Variants in KCNJ8 observed in about 807,000 individuals in gnomAD.
KCNJ8 encodes the protein ATP-sensitive inward rectifier potassium channel 8.
A neutral mutation model predicts 28.2 loss-of-function variants in KCNJ8; 13 were observed. The observed-to-expected ratio is 0.46, with a 90% confidence interval of 0.30 to 0.73. The LOEUF is 0.73. KCNJ8 is among the 30% of genes least tolerant of loss of function. KCNJ8 has a pLI of 0.07. For missense variants in KCNJ8, 284 were observed against 542.6 expected, an observed-to-expected ratio of 0.52 and a Z score of 4.73; for synonymous variants, 188 against 195.9, an observed-to-expected ratio of 0.96 and a Z score of 0.34.
rs1940635400 is a variant in KCNJ8 at position 21,766,844 on chromosome 12, TATTA to T, written c.375-225_375-222del. The T allele has an allele frequency of 1.2e-5, 7 of 587,334 alleles. No homozygotes were observed. The highest frequency in any genetic ancestry group is 8.5e-5 in the East Asian group (3 of 35,200). The allele number at this position is 587,334 out of a possible 1,614,324, so 36.4% of individuals were successfully genotyped here. ...TCCAGACTTCTGGAGATTAACATTC[TATTA>T]ATTAAGTTCCCTTAAGCTAAGGCCT... On this transcript the variant is annotated intron_variant, in intron 2 of 2. Transcript: ENST00000240662. This position sits in a 1 kb window ranked among gnomAD's most constrained non-coding sequence, Gnocchi z 6.5.
chr12:21,767,318 C>T (rs938186976), intron 2 of KCNJ8, among the ~76,000 whole-genome samples: 8 of 118,970 alleles, frequency 6.7e-5, no homozygotes, highest in South Asian at 3.0e-4. Context: ...ACCCCCCCCC[C>T]CCCCACCTCC....
rs1363865068 is a variant in KCNJ8, at chr12:21,773,315, A to G, written c.302T>C (p.Ile101Thr). ...WWLVAFAHGD[I>T]YAYMEKSGME... ...TCCACTTTTCTCCATGTAAGCATAG[A>G]TGTCCCCATGGGCAAAGGCCACCAG... Residue 101 changes from isoleucine to threonine, a missense_variant, in exon 2 of 3, where the codon ATC becomes ACC. Ile to Thr is a moderately conservative substitution (Grantham distance 89). This residue lies in a region of KCNJ8 where 42 missense variants were observed against 50.9 expected (regional missense o/e 0.83). Coordinates refer to ENST00000240662, the MANE Select transcript of KCNJ8 (RefSeq NM_004982.4). This position sits in a 1 kb window ranked among gnomAD's most constrained non-coding sequence, Gnocchi z 4.6. 1.2e-6 allele frequency: 2 copies of G among 1,614,186 alleles called. No individual in the cohort carries two copies. The highest frequency in any genetic ancestry group is 1.1e-5 in the South Asian group (1 of 91,082).
At chr12:21,770,866 C>T in intron 2 of KCNJ8, among the ~76,000 whole-genome samples, 1 of 152,138 alleles carries the variant, frequency 6.6e-6, no homozygotes, top group Non-Finnish European at 1.5e-5. Context: ...CAAAGTATTA[C>T]CTATTTATTA....
In KCNJ8 at chr12:21,773,764, T is replaced by C; in HGVS notation, c.-70-78A>G. ...TCTTGGGTCCTTGTATTCAAGGATATGTCTGTACATGTGCGAGGTGACATG... is the reference window on the plus strand; with the variant it reads ...TCTTGGGTCCTTGTATTCAAGGATACGTCTGTACATGTGCGAGGTGACATG... On this transcript the variant is annotated intron_variant, in intron 1 of 2. Transcript: ENST00000240662. This position sits in a 1 kb window ranked among gnomAD's most constrained non-coding sequence, Gnocchi z 4.6. 9.7e-7 allele frequency: 1 copy of C among 1,031,834 alleles called. No homozygotes were observed. The highest frequency in any genetic ancestry group is 1.4e-6 in the Non-Finnish European group (1 of 691,236). 63.9% of individuals were successfully genotyped at this position (1,031,834 alleles called of 1,614,324 possible).
chr12:21,772,378 C>T (rs1438852924), intron 2 of KCNJ8, among the ~76,000 whole-genome samples: 8 of 152,036 alleles, frequency 5.3e-5, no homozygotes. Context: ...CTTTCCACCT[C>T]CCCCCGAAAA....
At position 21,766,380 on chromosome 12, in the gene KCNJ8, C is replaced by T. The variant is rs1033798511; in HGVS notation, c.618G>A (p.Leu206=). ...GGTCACCCACTCGGAACATGAAGCA[C>T]AGCTTGCCATTTCGGACGGCAATCA... is the stretch of plus-strand genomic sequence containing the variant. ...HAVIAVRNGK[L]CFMFRVGDLR... Residue 206 remains leucine, a synonymous_variant, in exon 3 of 3, where the codon CTG becomes CTA. Transcript: ENST00000240662. The surrounding 1 kb of genome is among the most constrained non-coding windows in gnomAD (Gnocchi z 6.5). The T allele has an allele frequency of 6.2e-7, 1 of 1,614,216 alleles. No homozygotes were observed. Among genetic ancestry groups the T allele is most frequent in the Non-Finnish European group, 8.5e-7 (1 of 1,180,030 alleles).
In KCNJ8 at chr12:21,766,695, T is replaced by G; in HGVS notation, c.375-72A>C. The G allele has an allele frequency of 2.4e-6, 3 of 1,265,334 alleles. No individual in the cohort carries two copies. The highest frequency in any genetic ancestry group is 2.2e-6 in the Non-Finnish European group (2 of 890,690). The allele number at this position is 1,265,334 out of a possible 1,614,324, so 78.4% of individuals were successfully genotyped here. A position where few individuals can be genotyped will look rare whatever the true frequency, so the allele number is the denominator to read the frequency against. On this transcript the variant is annotated intron_variant, in intron 2 of 2. Coordinates refer to ENST00000240662, the MANE Select transcript of KCNJ8 (RefSeq NM_004982.4). The surrounding 1 kb of genome is among the most constrained non-coding windows in gnomAD (Gnocchi z 6.5). The stretch of plus-strand genomic sequence containing the variant: ...AATAATGAAATATGCCAAGCTGAGC[T>G]TTTCATTTTCTTCCACCAAAGACTA...
intron 2 of KCNJ8, among the ~76,000 whole-genome samples, chr12:21,772,718 G>A (rs892459654): frequency 2.0e-5 from 3 of 152,130 alleles, no homozygotes; most frequent in South Asian, 2.1e-4. Context: ...GATAAAGAAG[G>A]GATGATATTT....
Position 21,766,143 on chromosome 12 carries a change from C to T in KCNJ8, c.855G>A (p.Leu285=), listed in dbSNP as rs34093632. 1.9e-3 allele frequency: 2,998 copies of T among 1,614,100 alleles called. 66 individuals are homozygous for T. In the African/African-American group the frequency reaches 0.035, roughly 19 times the overall value. ...SPLYDISATD[L]ANQDLEVIVI... ...CTATGACCTCCAAGTCTTGGTTGGC[C>T]AGGTCAGTTGCTGAGATGTCATACA... Residue 285 remains leucine, a synonymous_variant, in exon 3 of 3, where the codon CTG becomes CTA. Transcript: ENST00000240662. This position sits in a 1 kb window ranked among gnomAD's most constrained non-coding sequence, Gnocchi z 6.5.
intron 2 of KCNJ8, among the ~76,000 whole-genome samples, chr12:21,769,938 G>A (rs1224314663): frequency 6.6e-6 from 1 of 152,168 alleles, no homozygotes; most frequent in Non-Finnish European, 1.5e-5. Context: ...TGTGAACACT[G>A]TTGAAATGAC....
Position 21,766,124 on chromosome 12 carries a change from C to G in KCNJ8, c.874G>C (p.Val292Leu). The change falls in exon 3 of 3, where the codon GTC becomes CTC. Residue 292 changes from valine (V) to leucine (L), a missense_variant. Physicochemically the swap from Val to Leu is conservative, Grantham distance 32. This residue lies in a region of KCNJ8 where 107 missense variants were observed against 235.6 expected (regional missense o/e 0.45). Coordinates refer to ENST00000240662, the MANE Select transcript of KCNJ8 (RefSeq NM_004982.4). The surrounding 1 kb of genome is among the most constrained non-coding windows in gnomAD (Gnocchi z 6.5). ...ATDLANQDLE[V>L]IVILEGVVET... ...ACCACTCCTTCCAGAATAACTATGA[C>G]CTCCAAGTCTTGGTTGGCCAGGTCA... The G allele has an allele frequency of 6.2e-7, 1 of 1,614,158 alleles. No individual in the cohort carries two copies. The highest frequency in any genetic ancestry group is 8.5e-7 in the Non-Finnish European group (1 of 1,180,032).
chr12:21,769,068 GGAA>G (rs1175160494), intron 2 of KCNJ8, among the ~76,000 whole-genome samples: 7 of 152,248 alleles, frequency 4.6e-5, no homozygotes, highest in South Asian at 2.1e-4. Flanking sequence ...GCTTTCTATT[GGAA>G]GAAGATGTTA....
rs1172310193 is a variant in KCNJ8, at chr12:21,766,164, A to G, written c.834T>C (p.Tyr278=). The G allele has an allele frequency of 6.2e-7, 1 of 1,614,176 alleles. No homozygotes were observed. The highest frequency in any genetic ancestry group is 8.5e-7 in the Non-Finnish European group (1 of 1,180,028). Reference sequence around the variant, plus strand: ...TGGCCAGGTCAGTTGCTGAGATGTCATACAGGGGACTGCGCTTGTCAATCA... The same window carrying G: ...TGGCCAGGTCAGTTGCTGAGATGTCGTACAGGGGACTGCGCTTGTCAATCA... ...CHVIDKRSPL[Y]DISATDLANQ... is the part of the protein sequence containing the mutation. Residue 278 remains tyrosine, a synonymous_variant, in exon 3 of 3, where the codon TAT becomes TAC. Coordinates refer to ENST00000240662, the MANE Select transcript of KCNJ8 (RefSeq NM_004982.4). The surrounding 1 kb of genome is among the most constrained non-coding windows in gnomAD (Gnocchi z 6.5).
rs752294105 is a variant in KCNJ8 at position 21,766,131 on chromosome 12, G to C, written c.867C>G (p.Asp289Glu). The change falls in exon 3 of 3, where the codon GAC (aspartate) becomes GAG (glutamate). Residue 289 changes from aspartate (D) to glutamate (E), a missense_variant. Physicochemically the swap from Asp to Glu is conservative, Grantham distance 45. This residue lies in a region of KCNJ8 where 107 missense variants were observed against 235.6 expected (regional missense o/e 0.45). Coordinates refer to ENST00000240662, the MANE Select transcript of KCNJ8 (RefSeq NM_004982.4). The surrounding 1 kb of genome is among the most constrained non-coding windows in gnomAD (Gnocchi z 6.5). ...DISATDLANQ[D>E]LEVIVILEGV... ...CTTCCAGAATAACTATGACCTCCAA[G>C]TCTTGGTTGGCCAGGTCAGTTGCTG... 9 of 1,614,170 alleles carry C rather than the reference G, an allele frequency of 5.6e-6. No individual in the cohort carries two copies. The highest frequency in any genetic ancestry group is 7.6e-6 in the Non-Finnish European group (9 of 1,180,022).
chr12:21,774,007 A>G (rs1162172416), intron 1 of KCNJ8, among the ~76,000 whole-genome samples: 6 of 152,214 alleles, frequency 3.9e-5, no homozygotes, highest in Admixed American at 1.3e-4. Context: ...GCGTCTGTAA[A>G]TTAGTGCAAG....
chr12:21,767,472 C>G (rs958176587), intron 2 of KCNJ8, among the ~76,000 whole-genome samples: 1 of 152,054 alleles, frequency 6.6e-6, no homozygotes, highest in African/African-American at 2.4e-5. Flanking sequence ...GTATAGTGAA[C>G]CTTATTGTGA....
At position 21,773,216 on chromosome 12, in the gene KCNJ8, C is replaced by T. The variant is rs1477927935; in HGVS notation, c.374+27G>A. On this transcript the variant is annotated intron_variant, in intron 2 of 2. Transcript: ENST00000240662. This position sits in a 1 kb window ranked among gnomAD's most constrained non-coding sequence, Gnocchi z 4.6. Reference sequence around the variant, plus strand: ...ACATTTTTTCTCTACTGTTTTCAACCCCTGCCTCATCCCACTACATTCTTA... The same window carrying T: ...ACATTTTTTCTCTACTGTTTTCAACTCCTGCCTCATCCCACTACATTCTTA... The T allele has an allele frequency of 1.9e-6, 3 of 1,610,756 alleles. No homozygotes were observed. Among genetic ancestry groups the T allele is most frequent in the East Asian group, 2.2e-5 (1 of 44,896 alleles).
At chr12:21,768,560 T>C (rs1940688782) in intron 2 of KCNJ8, among the ~76,000 whole-genome samples, 1 of 151,984 alleles carries the variant, frequency 6.6e-6, no homozygotes, top group African/African-American at 2.4e-5. Context: ...AAAGCAAAAA[T>C]GATTAAGCTG....
intron 2 of KCNJ8, among the ~76,000 whole-genome samples, chr12:21,769,673 A>G (rs1395346872): frequency 2.0e-5 from 3 of 152,200 alleles, no homozygotes; most frequent in Admixed American, 6.5e-5. Context: ...AGGTCAGAAT[A>G]TTAACATTAA....
Sources: gnomAD v4.1 joint callset for allele counts (sites outside exome capture counted in the v4.1 genomes callset) on GRCh38, gnomAD v4.1.1 for gene constraint, gnomAD v4.1.1 regional missense constraint, Gnocchi (gnomAD v3.1) non-coding constraint, MANE v1.5 for transcripts, NCBI Gene and HGNC (gene_info 2026-07-23, HGNC 2026-07-21) for gene names.